The following THSD7A variants were observed in gnomAD, a reference collection of about 807,000 sequenced individuals.
THSD7A encodes the protein thrombospondin type-1 domain-containing protein 7A.
Under a neutral mutation model 231.3 loss-of-function variants are expected in THSD7A, and 96 were observed. That is an observed-to-expected ratio of 0.41 (90% confidence interval 0.35 to 0.49). The LOEUF is 0.49. Among genes scored for constraint, THSD7A ranks in the 20% least tolerant of loss-of-function variants. THSD7A has a pLI of 0.05. For missense variants in THSD7A, 2,290 were observed against 2,070.2 expected, an observed-to-expected ratio of 1.11 and a Z score of -2.06; for synonymous variants, 940 against 743.3, an observed-to-expected ratio of 1.26 and a Z score of -4.30.
chr7:11,640,210 G>A lies in THSD7A; in HGVS notation c.191-3249C>T, dbSNP rs149083434. Among the ~76,000 whole-genome samples, 1,112 of 152,136 alleles carry A rather than the reference G, an allele frequency of 7.3e-3. 11 individuals carry two copies. Among genetic ancestry groups the A allele is most frequent in the African/African-American group, 0.025 (1,044 of 41,502 alleles). ...CCTTGAGGACAGGCCCTTGTCTGCC[G>A]CCTGCAACAGTTTTAGACAGTACAC... On this transcript the variant is annotated intron_variant, in intron 1 of 27. Transcript: ENST00000423059.
chr7:11,581,726 G>A (rs1791174611), intron 4 of THSD7A, among the ~76,000 whole-genome samples: 2 of 151,898 alleles, frequency 1.3e-5, no homozygotes, highest in East Asian at 1.9e-4. Context: ...CTAAGAAAAT[G>A]TTCTATCAAA....
At chr7:11,601,738 G>A (rs540100738) in intron 2 of THSD7A, among the ~76,000 whole-genome samples, 33 of 152,146 alleles carry the variant, frequency 2.2e-4, no homozygotes, top group Admixed American at 1.2e-3. Context: ...TATGGTAGAC[G>A]TCTGAATCTT....
In THSD7A at chr7:11,446,027, G is replaced by T. The variant is rs767596862; in HGVS notation, c.3064+34C>A. On this transcript the variant is annotated intron_variant, in intron 13 of 27. Coordinates refer to ENST00000423059, the MANE Select transcript of THSD7A (RefSeq NM_015204.3). This position sits in a 1 kb window ranked among gnomAD's most constrained non-coding sequence, Gnocchi z 4.0. ...TGCATTTTCCCTCCACACTCCCGAA[G>T]ATAGCAAATATGTAACAATGAAGAT... 4.3e-6 allele frequency: 7 copies of T among 1,611,110 alleles called. No individual in the cohort carries two copies. The African/African-American group carries it at 5.3e-5, about 12-fold the overall frequency.
intron 1 of THSD7A, among the ~76,000 whole-genome samples, chr7:11,758,933 T>C (rs2128167361): frequency 6.6e-6 from 1 of 152,204 alleles, no homozygotes; most frequent in Non-Finnish European, 1.5e-5. Context: ...GGCAGCAGGC[T>C]GAAATTGTTC....
chr7:11,726,629 T>C (rs1176760679), intron 1 of THSD7A, among the ~76,000 whole-genome samples: 3 of 151,974 alleles, frequency 2.0e-5, no homozygotes, highest in African/African-American at 7.2e-5. Flanking sequence ...ATATTCTAAA[T>C]GGATTGTGAC....
Position 11,406,996 on chromosome 7 carries a change from G to C in THSD7A, c.3976C>G (p.Pro1326Ala), listed in dbSNP as rs763039347. ...GGTTTGGACTGGTCCATCAGGGAAG[G>C]GCATGGTCTTCCATCACCTTGAAAG... is the stretch of plus-strand genomic sequence containing the variant. ...QPFQGDGRPC[P>A]SLMDQSKPCP... Residue 1326 changes from proline (P) to alanine (A), a missense_variant, in exon 21 of 28, where the codon CCT becomes GCT. Coordinates refer to ENST00000423059, the MANE Select transcript of THSD7A (RefSeq NM_015204.3). The surrounding 1 kb of genome is among the most constrained non-coding windows in gnomAD (Gnocchi z 4.7). 2.4e-5 allele frequency: 39 copies of C among 1,613,614 alleles called. No homozygotes were observed. The highest frequency in any genetic ancestry group is 1.6e-4 in the Middle Eastern group (1 of 6,082).
chr7:11,618,976 C>A (rs1781214454), intron 2 of THSD7A, among the ~76,000 whole-genome samples: 1 of 151,454 alleles, frequency 6.6e-6, no homozygotes, highest in Non-Finnish European at 1.5e-5. Flanking sequence ...CGTTCTCAAT[C>A]CAAAGATAAT....
intron 6 of THSD7A, among the ~76,000 whole-genome samples, chr7:11,505,161 A>T (rs974500851): frequency 6.6e-6 from 1 of 152,188 alleles, no homozygotes; most frequent in Non-Finnish European, 1.5e-5. Context: ...AAAAAACTAA[A>T]TTATGTTTTG....
chr7:11,661,373 AC>A (rs1782922631), intron 1 of THSD7A, among the ~76,000 whole-genome samples: 1 of 151,378 alleles, frequency 6.6e-6, no homozygotes, highest in South Asian at 2.1e-4. Context: ...AAGATATAGG[AC>A]AGCTAGATAT....
chr7:11,771,871 A>G (rs1019700802), intron 1 of THSD7A, among the ~76,000 whole-genome samples: 1 of 152,088 alleles, frequency 6.6e-6, no homozygotes, highest in Admixed American at 6.6e-5. Flanking sequence ...GAATTCTCAG[A>G]TCTGGTTGTT....
At chr7:11,823,454 A>G (rs1583319670) in intron 1 of THSD7A, among the ~76,000 whole-genome samples, 1 of 151,940 alleles carries the variant, frequency 6.6e-6, no homozygotes, top group African/African-American at 2.4e-5. Context: ...TTATGGCTCC[A>G]TATGAATTTT....
At chr7:11,464,942 G>GA (rs1420254272) in intron 9 of THSD7A, among the ~76,000 whole-genome samples, 4 of 151,920 alleles carry the variant, frequency 2.6e-5, no homozygotes, top group Non-Finnish European at 5.9e-5. Context: ...TCAGAGAGCA[G>GA]AAAAAAAGGA....
At chr7:11,461,885 A>G in intron 10 of THSD7A, 126 bp downstream of exon 10, 1 of 1,253,698 alleles carries the variant, frequency 8.0e-7, no homozygotes, top group Non-Finnish European at 1.1e-6. Context: ...CTACAGCCAT[A>G]AACATCCCAA....
At chr7:11,685,163 C>T (rs1779992865) in intron 1 of THSD7A, among the ~76,000 whole-genome samples, 1 of 151,788 alleles carries the variant, frequency 6.6e-6, no homozygotes, top group South Asian at 2.1e-4. Flanking sequence ...GAAAAACTGG[C>T]TAACTATATG....
chr7:11,373,058 G>GGGGTGT lies in THSD7A; in HGVS notation c.*2735_*2736insACACCC, dbSNP rs772984237. 7.5e-6 allele frequency: 1 copy of GGGGTGT among 134,026 alleles called. No homozygotes were observed. Among genetic ancestry groups the GGGGTGT allele is most frequent in the African/African-American group, 2.8e-5 (1 of 35,800 alleles). The allele number at this position is 134,026 out of a possible 1,614,324, so 8.3% of individuals were successfully genotyped here. ...TAATTTCCTCTCTCTCATATATATG[G>GGGGTGT]GTGTGTGTGTGTGTGTGTGTATATA... On this transcript the variant is annotated 3_prime_UTR_variant, in exon 28 of 28. Coordinates refer to ENST00000423059, the MANE Select transcript of THSD7A (RefSeq NM_015204.3).
In THSD7A at chr7:11,377,712, C is replaced by T. The variant is rs924753926; in HGVS notation, c.4802-1055G>A. Reference sequence around the variant, plus strand: ...AAAGAGCTGTTCCACGATTGAGGATCTCTGTTGAGAGTTTCTTCAACAAAT... The same window carrying T: ...AAAGAGCTGTTCCACGATTGAGGATTTCTGTTGAGAGTTTCTTCAACAAAT... On this transcript the variant is annotated intron_variant, in intron 26 of 27. Transcript: ENST00000423059. The surrounding 1 kb of genome is among the most constrained non-coding windows in gnomAD (Gnocchi z 4.5). Among the ~76,000 whole-genome samples, 1 of 152,026 alleles carries T rather than the reference C, an allele frequency of 6.6e-6. No homozygotes were observed. The highest frequency in any genetic ancestry group is 2.4e-5 in the African/African-American group (1 of 41,420).
chr7:11,492,242 AG>A (rs1786924286), intron 6 of THSD7A, among the ~76,000 whole-genome samples: 1 of 152,088 alleles, frequency 6.6e-6, no homozygotes, highest in Non-Finnish European at 1.5e-5. Context: ...CTTAAGGACT[AG>A]GCTAAAAACC....
At chr7:11,546,141 C>A (rs969980516) in intron 4 of THSD7A, among the ~76,000 whole-genome samples, 1 of 149,122 alleles carries the variant, frequency 6.7e-6, no homozygotes, top group Admixed American at 6.8e-5. Context: ...CAGCCTTCCC[C>A]AACCATTGTG....
intron 2 of THSD7A, among the ~76,000 whole-genome samples, chr7:11,625,617 AAAG>A (rs1301774264): frequency 6.6e-6 from 1 of 152,134 alleles, no homozygotes; most frequent in East Asian, 1.9e-4. Flanking sequence ...AGAGGCCTAA[AAAG>A]AAGAAAATAA....
Sources: allele counts gnomAD v4.1 joint callset (sites outside exome capture counted in the v4.1 genomes callset), GRCh38; gene constraint gnomAD v4.1.1; non-coding constraint Gnocchi (gnomAD v3.1); transcripts MANE v1.5; gene names NCBI Gene and HGNC (gene_info 2026-07-23, HGNC 2026-07-21).